The following EPHA5 variants were observed in gnomAD, a reference collection of about 807,000 sequenced individuals.
EPHA5 encodes ephrin type-A receptor 5.
EPHA5 carries 60 observed loss-of-function variants against 105.0 expected under a neutral mutation model. The observed-to-expected ratio is 0.57, with a 90% CI of 0.46 to 0.71. EPHA5 has a LOEUF of 0.71. Ranked by LOEUF, EPHA5 falls within the 30% of genes least tolerant of loss-of-function variation. The probability of loss-of-function intolerance (pLI) is 0.00; values close to 1 mark genes in which losing one functional copy is unlikely to be tolerated. For missense variants in EPHA5, 1,218 were observed against 1,274.7 expected, an observed-to-expected ratio of 0.96 and a Z score of 0.68; for synonymous variants, 513 against 449.1, an observed-to-expected ratio of 1.14 and a Z score of -1.80.
At chr4:65,425,830 C>A (rs1259835188) in intron 5 of EPHA5, among the ~76,000 whole-genome samples, 1 of 151,878 alleles carries the variant, frequency 6.6e-6, no homozygotes, top group Admixed American at 6.6e-5. Context: ...ATTTTCCTGA[C>A]CCTTTAGTAT....
At position 65,373,552 on chromosome 4, in the gene EPHA5, T is replaced by C. The variant is rs533858604; in HGVS notation, c.1794-6128A>G. On this transcript the variant is annotated intron_variant, in intron 8 of 16. Coordinates refer to ENST00000613740, the MANE Select transcript of EPHA5 (RefSeq NM_001281766.3). ...TATATTTAAAAATTAGGATAATAGT[T>C]AATGTTTCAAAGACATCCTGATCCT... Among the ~76,000 whole-genome samples, 5 of 152,086 alleles carry C rather than the reference T, an allele frequency of 3.3e-5. No individual in the cohort carries two copies. In the East Asian group the frequency reaches 9.7e-4, roughly 29 times the overall value.
intron 8 of EPHA5, among the ~76,000 whole-genome samples, chr4:65,402,699 A>G (rs1721965667): frequency 6.6e-6 from 1 of 152,184 alleles, no homozygotes; most frequent in Non-Finnish European, 1.5e-5. Context: ...TAGAAAGGAA[A>G]TCACTAACTC....
chr4:65,335,752 T>G (rs1213229436), intron 15 of EPHA5, among the ~76,000 whole-genome samples, 180 bp downstream of exon 15: 1 of 152,070 alleles, frequency 6.6e-6, no homozygotes, highest in Non-Finnish European at 1.5e-5. Context: ...TTAAGTATCA[T>G]TTAGTCACAT....
rs543319733 is a variant in EPHA5 at position 65,490,400 on chromosome 4, A to G, written c.1379T>C (p.Val460Ala). 6.2e-7 allele frequency: 1 copy of G among 1,614,046 alleles called. No individual in the cohort carries two copies. The highest frequency in any genetic ancestry group is 2.2e-5 in the East Asian group (1 of 44,870). ...LSPGARQYVS[V>A]NVTTNQAAPS... ...ACCTGCTTGATTTGTGGTTACATTT[A>G]CAGACACATACTGCCGGGCTCCTGG... is the stretch of plus-strand genomic sequence containing the variant. Residue 460 changes from valine to alanine, a missense_variant, in exon 5 of 17, where the codon GTA becomes GCA. Physicochemically the swap from Val to Ala is moderately conservative, Grantham distance 64 (BLOSUM62 0). This residue lies in a region of EPHA5 where 971 missense variants were observed against 1,013.5 expected (regional missense o/e 0.96). Transcript: ENST00000613740.
At chr4:65,551,569 C>A (rs1025104295) in intron 3 of EPHA5, among the ~76,000 whole-genome samples, 2 of 151,988 alleles carry the variant, frequency 1.3e-5, no homozygotes, top group Non-Finnish European at 2.9e-5. Flanking sequence ...CTTTTCTTAG[C>A]CACTGAATGT....
chr4:65,469,093 G>A, intron 5 of EPHA5, among the ~76,000 whole-genome samples: 1 of 152,066 alleles, frequency 6.6e-6, no homozygotes, highest in East Asian at 1.9e-4. Flanking sequence ...TCTGGATGAT[G>A]TGGTATGCAT....
intron 8 of EPHA5, among the ~76,000 whole-genome samples, chr4:65,395,643 G>A (rs1235084594): frequency 6.6e-6 from 1 of 152,184 alleles, no homozygotes; most frequent in Non-Finnish European, 1.5e-5. Flanking sequence ...AATGGATTGA[G>A]TTTCAATTGT....
chr4:65,600,891 A>G (rs1560755625), intron 3 of EPHA5, among the ~76,000 whole-genome samples: 1 of 152,164 alleles, frequency 6.6e-6, no homozygotes, highest in South Asian at 2.1e-4. Flanking sequence ...ACTGCGGGCA[A>G]AATGAGGGCA....
chr4:65,337,974 T>C (rs1417782730), intron 14 of EPHA5, among the ~76,000 whole-genome samples: 1 of 151,996 alleles, frequency 6.6e-6, no homozygotes, highest in Non-Finnish European at 1.5e-5. Flanking sequence ...TCAAAAACAA[T>C]ATAGTAATTA....
At chr4:65,356,007 A>C (rs1326227274) in intron 11 of EPHA5, among the ~76,000 whole-genome samples, 1 of 151,510 alleles carries the variant, frequency 6.6e-6, no homozygotes, top group Non-Finnish European at 1.5e-5. Context: ...GGGTTGTCAC[A>C]TTATAATAAA....
At chr4:65,532,639 C>T (rs1578355471) in intron 3 of EPHA5, among the ~76,000 whole-genome samples, 1 of 134,744 alleles carries the variant, frequency 7.4e-6, no homozygotes, top group East Asian at 2.1e-4. Context: ...CCCCAATTTT[C>T]GTTGAATCTC....
chr4:65,360,917 G>T (rs964828180), intron 11 of EPHA5, among the ~76,000 whole-genome samples: 4 of 151,608 alleles, frequency 2.6e-5, no homozygotes, highest in South Asian at 2.1e-4. Context: ...CATTGCATAA[G>T]AAGGGTGATA....
At chr4:65,573,852 A>G in intron 3 of EPHA5, 7 of 1,613,496 alleles carry the variant, frequency 4.3e-6, no homozygotes, top group Non-Finnish European at 5.1e-6. Context: ...CGGCAAAAAA[A>G]AACCCTTCAG....
At chr4:65,616,059 T>TA (rs1308069734) in intron 2 of EPHA5, among the ~76,000 whole-genome samples, 2 of 151,866 alleles carry the variant, frequency 1.3e-5, no homozygotes, top group Non-Finnish European at 2.9e-5. Flanking sequence ...AGCAAATGGT[T>TA]AAACAAACTG....
At chr4:65,526,127 T>A (rs571574196) in intron 3 of EPHA5, among the ~76,000 whole-genome samples, 5 of 151,890 alleles carry the variant, frequency 3.3e-5, no homozygotes, top group Non-Finnish European at 7.4e-5. Context: ...CAATGTTTCA[T>A]TTATCAAATC....
intron 2 of EPHA5, among the ~76,000 whole-genome samples, chr4:65,605,716 A>G (rs74583342): frequency 0.033 from 4,897 of 149,380 alleles, 259 homozygotes; most frequent in African/African-American, 0.11. Context: ...TAGACATCTG[A>G]AAAAAAAAAT....
intron 5 of EPHA5, among the ~76,000 whole-genome samples, chr4:65,425,880 T>C (rs1724390176): frequency 6.6e-6 from 1 of 152,160 alleles, no homozygotes; most frequent in Non-Finnish European, 1.5e-5. Context: ...CATGCCATAA[T>C]TCGGTTTAGT....
intron 1 of EPHA5, 58 bp from the exon 2 acceptor site, chr4:65,643,485 T>A (rs1428789548): frequency 7.3e-7 from 1 of 1,362,320 alleles, no homozygotes; most frequent in Non-Finnish European, 1.0e-6. Flanking sequence ...ATATTGTATC[T>A]CTATTTTAAT....
At chr4:65,651,356 T>C (rs1014867950) in intron 1 of EPHA5, among the ~76,000 whole-genome samples, 1 of 152,180 alleles carries the variant, frequency 6.6e-6, no homozygotes. Context: ...GTAGGGAAGT[T>C]ATTTGCTGTT....
Sources: allele counts gnomAD v4.1 joint callset (sites outside exome capture counted in the v4.1 genomes callset), GRCh38; gene constraint gnomAD v4.1.1; regional missense constraint gnomAD v4.1.1; transcripts MANE v1.5; gene names NCBI Gene and HGNC (gene_info 2026-07-23, HGNC 2026-07-21).